LAMA1: variants seen among roughly 807,000 people sequenced by gnomAD.
The protein encoded by LAMA1 is laminin subunit alpha-1.
LAMA1 carries 219 observed loss-of-function variants against 348.7 expected under a neutral mutation model. That is an observed-to-expected ratio of 0.63 (90% CI 0.56 to 0.70). The LOEUF is 0.70. Ranked by LOEUF, LAMA1 falls within the 30% of genes least tolerant of loss-of-function variation. The pLI is 0.00. For synonymous variants in LAMA1, 1,487 were observed against 1,491.0 expected, an observed-to-expected ratio of 1.00 and a Z score of 0.06; for missense variants, 3,744 against 3,888.0, an observed-to-expected ratio of 0.96 and a Z score of 0.99.
intron 29 of LAMA1, among the ~76,000 whole-genome samples, chr18:7,002,805 G>A (rs894508112): frequency 2.6e-5 from 4 of 152,114 alleles, no homozygotes; most frequent in Non-Finnish European, 5.9e-5. Flanking sequence ...TAGACAATGA[G>A]GGAAGAAAAC....
intron 16 of LAMA1, among the ~76,000 whole-genome samples, chr18:7,027,441 C>T (rs558400093): frequency 2.3e-4 from 35 of 151,940 alleles, no homozygotes; most frequent in Admixed American, 7.9e-4. Flanking sequence ...ACGTACCACT[C>T]TTATTCTTAC....
intron 57 of LAMA1, among the ~76,000 whole-genome samples, chr18:6,952,536 C>T (rs1356400450): frequency 6.6e-6 from 1 of 152,190 alleles, no homozygotes; most frequent in Admixed American, 6.5e-5. Context: ...TTACAGCAGT[C>T]CCTTCTTATT....
At position 7,080,347 on chromosome 18, in the gene LAMA1, C is replaced by T; in HGVS notation, c.172G>A (p.Gly58Ser). 1 of 1,614,262 alleles carries T rather than the reference C, an allele frequency of 6.2e-7. No homozygotes were observed. Among genetic ancestry groups the T allele is most frequent in the African/African-American group, 1.3e-5 (1 of 75,064 alleles). Residue 58 changes from glycine to serine, a missense_variant, in exon 2 of 63, where the codon GGT becomes AGT. Around this residue, in one of 3 missense-constraint regions of LAMA1, gnomAD observed 1,529 missense variants for 1,689.4 expected, o/e 0.91. Transcript: ENST00000389658. The stretch of plus-strand genomic sequence containing the variant: ...CACTGTGGGTTTCGGACGGGCCGAC[C>T]TGGCACATGCTCCACAAGTTTGCAG... ...MFCKLVEHVP[G>S]RPVRNPQCRI...
At position 7,011,995 on chromosome 18, in the gene LAMA1, T is replaced by G; in HGVS notation, c.3507A>C (p.Pro1169=). 3 of 1,603,676 alleles carry G rather than the reference T, an allele frequency of 1.9e-6. No individual in the cohort carries two copies. The highest frequency in any genetic ancestry group is 1.7e-6 in the Non-Finnish European group (2 of 1,174,458). The change falls in exon 24 of 63, where the codon CCA becomes CCC. Residue 1169 remains proline (P), a splice_region_variant and synonymous_variant. Coordinates refer to ENST00000389658, the MANE Select transcript of LAMA1 (RefSeq NM_005559.4). ...AACACTTTCGCTGTGTGTGACTTAC[T>G]GGGGTCCTCACGTAGTCCTCCAGCT... ...CSELEDYVRT[P]VTLGSDQPLL... is the part of the protein sequence containing the mutation.
chr18:7,015,827 G>A lies in LAMA1; in HGVS notation c.3021C>T (p.Cys1007=), dbSNP rs138024139. Residue 1007 remains cysteine (C), a synonymous_variant, in exon 22 of 63, where the codon TGC becomes TGT. Transcript: ENST00000389658. ...AGACACACTCTCCAGTTTCTGGGTC[G>A]CAGGTATTCTGAGTGTGTGGGCAGT... is the stretch of plus-strand genomic sequence containing the variant. ...PCDCPHTQNT[C]DPETGECVCP... The A allele has an allele frequency of 1.4e-4, 226 of 1,613,980 alleles. No individual in the cohort carries two copies. Among genetic ancestry groups the A allele is most frequent in the Admixed American group, 2.3e-4 (14 of 59,994 alleles).
At chr18:7,048,998 G>A in intron 5 of LAMA1, 80 bp downstream of exon 5, 1 of 1,403,806 alleles carries the variant, frequency 7.1e-7, no homozygotes, top group Non-Finnish European at 9.9e-7. Context: ...CAACCAAAAA[G>A]GAAAGAAGAA....
In LAMA1 at chr18:7,117,654, G is replaced by A. The variant is rs375429860; in HGVS notation, c.61+6C>T. The A allele has an allele frequency of 1.3e-6, 2 of 1,597,010 alleles. No homozygotes were observed. The highest frequency in any genetic ancestry group is 2.2e-5 in the South Asian group (2 of 90,714). On this transcript the variant is annotated splice_donor_region_variant and intron_variant, in intron 1 of 62. Transcript: ENST00000389658. ...ACAGGGACCCTAGGACCCGGGCCGG[G>A]CTCACCTCTCTGCCGGCACTGCGCG...
At chr18:6,969,989 G>C (rs890569204) in intron 48 of LAMA1, among the ~76,000 whole-genome samples, 20 of 152,306 alleles carry the variant, frequency 1.3e-4, no homozygotes, top group African/African-American at 4.8e-4. Flanking sequence ...TACTAGAAAT[G>C]TTTAATTTCT....
intron 3 of LAMA1, among the ~76,000 whole-genome samples, chr18:7,062,267 GTCAGGGAAGTCTTCCCTGA>G (rs2058105345): frequency 1.4e-5 from 1 of 72,204 alleles, no homozygotes; most frequent in Non-Finnish European, 3.7e-5. Context: ...AAGGCAGATA[GTCAGGGAAGTCTTCCCTGA>G]AGGTAAGAGA....
chr18:6,985,790 C>T (rs2057732200), intron 37 of LAMA1, 147 bp from the exon 38 acceptor site: 1 of 663,686 alleles, frequency 1.5e-6, no homozygotes, highest in Non-Finnish European at 2.6e-6. Context: ...GATGGAGTCT[C>T]ATTCTGTTGC....
At chr18:7,019,174 CT>C (rs2057903970) in intron 19 of LAMA1, among the ~76,000 whole-genome samples, 1 of 152,124 alleles carries the variant, frequency 6.6e-6, no homozygotes, top group African/African-American at 2.4e-5. Flanking sequence ...GGCCCCTTGT[CT>C]GCTGCAACTG....
rs1371125716 is a variant in LAMA1 at position 7,011,298 on chromosome 18, A to G, written c.3687+2T>C. ...TGGCTCTCGGCTGGGCGTGCACCTCACCTGGTCTCCTTGGAACTGCTGCGG... is the reference window on the plus strand; with the variant it reads ...TGGCTCTCGGCTGGGCGTGCACCTCGCCTGGTCTCCTTGGAACTGCTGCGG... On this transcript the variant is annotated splice_donor_variant, in intron 25 of 62. Transcript: ENST00000389658. LOFTEE classifies it high-confidence loss of function. The G allele has an allele frequency of 5.0e-6, 8 of 1,609,788 alleles. No homozygotes were observed. The South Asian group carries it at 8.9e-5, about 18-fold the overall frequency.
At chr18:7,067,879 G>A (rs1389410275) in intron 3 of LAMA1, among the ~76,000 whole-genome samples, 1 of 149,806 alleles carries the variant, frequency 6.7e-6, no homozygotes, top group African/African-American at 2.5e-5. Context: ...TTGAGACGGC[G>A]TTTTGCTCTT....
chr18:7,024,562 A>T, intron 17 of LAMA1, 96 bp from the exon 18 acceptor site: 1 of 1,025,980 alleles, frequency 9.7e-7, no homozygotes, highest in Non-Finnish European at 1.5e-6. Context: ...CTGTGCTTCC[A>T]GACCTTCAAT....
In LAMA1 at chr18:7,013,991, A is replaced by T. The variant is rs771415427; in HGVS notation, c.3187T>A (p.Cys1063Ser). The change falls in exon 23 of 63, where the codon TGC (cysteine) becomes AGC (serine). Residue 1063 changes from cysteine to serine, a missense_variant. Coordinates refer to ENST00000389658, the MANE Select transcript of LAMA1 (RefSeq NM_005559.4). The part of the protein sequence containing the change: ...HHRCDVVTGH[C>S]QCKSKFGGRA... Reference sequence around the variant, plus strand: ...CCACCAAATTTTGACTTGCACTGGCAATGGCCGGTGACCACATCGCACCGA... The same window carrying T: ...CCACCAAATTTTGACTTGCACTGGCTATGGCCGGTGACCACATCGCACCGA... 1 of 1,614,036 alleles carries T rather than the reference A, an allele frequency of 6.2e-7. No individual in the cohort carries two copies. Among genetic ancestry groups the T allele is most frequent in the Non-Finnish European group, 8.5e-7 (1 of 1,179,954 alleles).
chr18:6,950,047 G>A (rs1280120808), intron 58 of LAMA1, among the ~76,000 whole-genome samples: 1 of 151,780 alleles, frequency 6.6e-6, no homozygotes, highest in Non-Finnish European at 1.5e-5. Context: ...GTAAAACCTA[G>A]GACTGGCATT....
intron 13 of LAMA1, 103 bp downstream of exon 13, chr18:7,035,884 A>G (rs2057992170): frequency 4.3e-6 from 4 of 933,246 alleles, no homozygotes; most frequent in Non-Finnish European, 5.2e-6. Context: ...CCACCTGGCC[A>G]CCAGCTCCTT....
At chr18:7,034,344 A>T in intron 14 of LAMA1, 135 bp downstream of exon 14, 1 of 719,822 alleles carries the variant, frequency 1.4e-6, no homozygotes, top group Non-Finnish European at 2.4e-6. Flanking sequence ...AATAATTCTT[A>T]AGACAGCCAG....
At chr18:6,994,544 T>C (rs980715574) in intron 34 of LAMA1, among the ~76,000 whole-genome samples, 1 of 152,164 alleles carries the variant, frequency 6.6e-6, no homozygotes, top group Non-Finnish European at 1.5e-5. Flanking sequence ...CCTTCAACTC[T>C]TTCCAAAACA....
Sources: allele counts gnomAD v4.1 joint callset (sites outside exome capture counted in the v4.1 genomes callset), GRCh38; gene constraint gnomAD v4.1.1; regional missense constraint gnomAD v4.1.1; transcripts MANE v1.5; gene names NCBI Gene and HGNC (gene_info 2026-07-23, HGNC 2026-07-21).